The following TMEM181 variants were observed in gnomAD, a reference collection of about 807,000 sequenced individuals.
The protein encoded by TMEM181 is transmembrane protein 181.
A neutral mutation model predicts 71.9 loss-of-function variants in TMEM181; 39 were observed. The observed-to-expected ratio is 0.54, with a 90% CI of 0.42 to 0.71. TMEM181 has a LOEUF of 0.71. Ranked by LOEUF, TMEM181 falls within the 30% of genes least tolerant of loss-of-function variation. TMEM181 has a pLI of 0.00. For synonymous variants in TMEM181, 245 were observed against 228.8 expected (o/e 1.07, Z -0.64); for missense variants, 595 against 583.0 (o/e 1.02, Z -0.21).
chr6:158,565,359 A>G (rs112422508), intron 1 of TMEM181, among the ~76,000 whole-genome samples: 1,612 of 152,268 alleles, frequency 0.011, 40 homozygotes, highest in African/African-American at 0.037. Flanking sequence ...CGAGGTGCTC[A>G]GTGCATCTAG....
chr6:158,561,323 C>T (rs1782159943), intron 1 of TMEM181, among the ~76,000 whole-genome samples: 2 of 152,326 alleles, frequency 1.3e-5, no homozygotes, highest in East Asian at 3.9e-4. Context: ...GGAATGGCAT[C>T]AAATATCAGA....
At chr6:158,538,096 TTCCAATCTCCTTTTCTGCTAG>T (rs1288844723) in intron 1 of TMEM181, among the ~76,000 whole-genome samples, 1 of 151,936 alleles carries the variant, frequency 6.6e-6, no homozygotes, top group East Asian at 1.9e-4. Context: ...ATAAGATTAT[TTCCAATCTCCTTTTCTGCTAG>T]TCCCCCGTCC....
At chr6:158,594,620 A>G (rs1488230814) in intron 6 of TMEM181, among the ~76,000 whole-genome samples, 1 of 152,222 alleles carries the variant, frequency 6.6e-6, no homozygotes, top group Non-Finnish European at 1.5e-5. Context: ...AGTTTTGACA[A>G]TTATGAACAT....
chr6:158,576,859 G>A (rs1349739619), intron 2 of TMEM181, among the ~76,000 whole-genome samples: 1 of 151,896 alleles, frequency 6.6e-6, no homozygotes, highest in East Asian at 1.9e-4. Context: ...TCAGGAGATC[G>A]AGACCATCCT....
chr6:158,635,180 T>TAA lies in TMEM181; in HGVS notation c.*3296_*3297dup, dbSNP rs1786889404. On this transcript the variant is annotated 3_prime_UTR_variant, in exon 17 of 17. Transcript: ENST00000684151. Reference sequence around the variant, plus strand: ...ATAAAACAGAAGAATTTTCTGCTACTAAAAACTGCCTTTTTACAAAATGAC... The same window carrying TAA: ...ATAAAACAGAAGAATTTTCTGCTACTAAAAAAACTGCCTTTTTACAAAATGAC... The TAA allele has an allele frequency of 6.6e-6, 1 of 152,244 alleles. No homozygotes were observed. Among genetic ancestry groups the TAA allele is most frequent in the Non-Finnish European group, 1.5e-5 (1 of 68,040 alleles). The allele number at this position is 152,244 out of a possible 1,614,324, so 9.4% of individuals were successfully genotyped here. A position where few individuals can be genotyped will look rare whatever the true frequency, so the allele number is the denominator to read the frequency against.
intron 11 of TMEM181, 66 bp from the exon 12 acceptor site, chr6:158,625,023 CTTTCCTGCCTGTGGT>C: frequency 9.0e-7 from 1 of 1,117,192 alleles, no homozygotes; most frequent in Non-Finnish European, 1.4e-6. Flanking sequence ...AAACCTGTGG[CTTTCCTGCCTGTGGT>C]GGTGCTGGGA....
chr6:158,615,345 T>C (rs1785556433), intron 10 of TMEM181, among the ~76,000 whole-genome samples: 1 of 152,260 alleles, frequency 6.6e-6, no homozygotes, highest in Non-Finnish European at 1.5e-5. Flanking sequence ...GTTTGATGCT[T>C]TCTTGTAAAT....
In TMEM181 at chr6:158,633,854, C is replaced by T. The variant is rs1246956691; in HGVS notation, c.*1966C>T. On this transcript the variant is annotated 3_prime_UTR_variant, in exon 17 of 17. Transcript: ENST00000684151. ...AATTTTCTGTTACCAAATTTTACAACTTCTAATAAGACTACTATAACTTTA... is the reference window on the plus strand; with the variant it reads ...AATTTTCTGTTACCAAATTTTACAATTTCTAATAAGACTACTATAACTTTA... 1 of 152,096 alleles carries T rather than the reference C, an allele frequency of 6.6e-6. No individual in the cohort carries two copies. Among genetic ancestry groups the T allele is most frequent in the Non-Finnish European group, 1.5e-5 (1 of 68,024 alleles). The allele number at this position is 152,096 out of a possible 1,614,324, so 9.4% of individuals were successfully genotyped here. A position where few individuals can be genotyped will look rare whatever the true frequency, so the allele number is the denominator to read the frequency against.
chr6:158,580,001 G>T (rs1281048465), intron 2 of TMEM181, among the ~76,000 whole-genome samples: 4 of 152,084 alleles, frequency 2.6e-5, no homozygotes, highest in African/African-American at 9.7e-5. Flanking sequence ...TGCACAGTAT[G>T]AACGTATTTA....
chr6:158,576,450 C>A (rs919913577), intron 2 of TMEM181, among the ~76,000 whole-genome samples: 6 of 152,088 alleles, frequency 3.9e-5, no homozygotes, highest in African/African-American at 1.4e-4. Flanking sequence ...AACGTTACTT[C>A]CAGGGGATTT....
At chr6:158,555,931 A>G (rs1267826185), upstream of TMEM181, among the ~76,000 whole-genome samples, 2 of 152,248 alleles carry the variant, frequency 1.3e-5, no homozygotes, top group Non-Finnish European at 2.9e-5. Context: ...ACACATAACT[A>G]AACCAAAATC....
At chr6:158,628,196 C>T in intron 13 of TMEM181, 2 of 692,116 alleles carry the variant, frequency 2.9e-6, no homozygotes, top group Non-Finnish European at 5.3e-6. Context: ...TCTAGCCCAC[C>T]TAGATCCGAG....
rs113245810 is a variant in TMEM181 at position 158,566,438 on chromosome 6, C to T, written c.8+6206C>T. On this transcript the variant is annotated intron_variant, in intron 1 of 16. Coordinates refer to ENST00000684151, the MANE Select transcript of TMEM181 (RefSeq NM_001376852.1). Reference sequence around the variant, plus strand: ...GGTGATGGGGTGAGGAAGATGATGGCGAGGAGTTGATGAGGGAGGTGATGG... The same window carrying T: ...GGTGATGGGGTGAGGAAGATGATGGTGAGGAGTTGATGAGGGAGGTGATGG... 2.2e-3 allele frequency among the ~76,000 whole-genome samples: 310 copies of T among 138,886 alleles called. 2 individuals carry two copies. Among genetic ancestry groups the T allele is most frequent in the African/African-American group, 7.4e-3 (273 of 36,894 alleles). The allele number at this position is 138,886 out of a possible 152,430, so 91.1% of individuals were successfully genotyped here.
At chr6:158,571,723 G>A (rs965558796) in intron 1 of TMEM181, among the ~76,000 whole-genome samples, 1 of 152,238 alleles carries the variant, frequency 6.6e-6, no homozygotes, top group Non-Finnish European at 1.5e-5. Flanking sequence ...ACTTTGCAGG[G>A]CTTGCCCAGA....
At chr6:158,570,012 T>C (rs1426072118) in intron 1 of TMEM181, among the ~76,000 whole-genome samples, 2 of 152,348 alleles carry the variant, frequency 1.3e-5, no homozygotes, top group African/African-American at 2.4e-5. Flanking sequence ...ATTTAAAATA[T>C]AGTTATTCTG....
chr6:158,553,263 C>G (rs1427591205), intron 1 of TMEM181, among the ~76,000 whole-genome samples: 1 of 151,590 alleles, frequency 6.6e-6, no homozygotes, highest in African/African-American at 2.4e-5. Flanking sequence ...TACCATAAAA[C>G]TTTAAGATTT....
intron 10 of TMEM181, among the ~76,000 whole-genome samples, chr6:158,617,630 C>T (rs532534801): frequency 1.3e-5 from 2 of 152,134 alleles, no homozygotes; most frequent in Non-Finnish European, 2.9e-5. Context: ...TATAAATTTT[C>T]CTCTACACAC....
chr6:158,540,874 G>T (rs537922944), intron 1 of TMEM181, among the ~76,000 whole-genome samples: 1 of 152,006 alleles, frequency 6.6e-6, no homozygotes, highest in Non-Finnish European at 1.5e-5. Context: ...CTCCTCTCCC[G>T]CAGCCTCCCA....
At chr6:158,611,981 C>CA (rs1562307845) in intron 10 of TMEM181, among the ~76,000 whole-genome samples, 1 of 145,632 alleles carries the variant, frequency 6.9e-6, no homozygotes, top group East Asian at 3.5e-4. Context: ...GGGATACCCC[C>CA]CCCACCTCCT....
Sources: gnomAD v4.1 joint callset for allele counts (sites outside exome capture counted in the v4.1 genomes callset) on GRCh38, gnomAD v4.1.1 for gene constraint, MANE v1.5 for transcripts, NCBI Gene and HGNC (gene_info 2026-07-23, HGNC 2026-07-21) for gene names.